The following SPIDR variants were observed in gnomAD, a reference collection of about 807,000 sequenced individuals.
The protein encoded by SPIDR is scaffold protein involved in DNA repair.
Under a neutral mutation model 104.6 loss-of-function variants are expected in SPIDR, and 93 were observed. The ratio of observed to expected loss-of-function variants is 0.89; its 90% CI spans 0.75 to 1.06. The LOEUF is 1.06. Ranked by LOEUF, SPIDR falls within the 50% of genes least tolerant of loss-of-function variation. SPIDR has a pLI of 0.00. For synonymous variants in SPIDR, 431 were observed against 416.9 expected, an observed-to-expected ratio of 1.03 and a Z score of -0.41; for missense variants, 1,154 against 1,111.2, an observed-to-expected ratio of 1.04 and a Z score of -0.55.
chr8:47,504,494 T>G (rs2081151653), intron 8 of SPIDR, among the ~76,000 whole-genome samples: 1 of 152,222 alleles, frequency 6.6e-6, no homozygotes, highest in African/African-American at 2.4e-5. Flanking sequence ...ATGAGGTCCT[T>G]TAAGGACTTC....
chr8:47,518,698 G>A (rs563694050), intron 8 of SPIDR, among the ~76,000 whole-genome samples: 11 of 151,410 alleles, frequency 7.3e-5, no homozygotes, highest in African/African-American at 2.4e-4. Flanking sequence ...ATGCAGTGGC[G>A]CAATCTCGGC....
intron 16 of SPIDR, among the ~76,000 whole-genome samples, chr8:47,721,564 C>T (rs535789072): frequency 7.2e-5 from 11 of 152,152 alleles, no homozygotes; most frequent in East Asian, 1.9e-4. Context: ...CTCCGCCTCC[C>T]GGGTTCACGC....
In SPIDR at chr8:47,578,756, G is replaced by C. The variant is rs183805891; in HGVS notation, c.1098-17055G>C. Among the ~76,000 whole-genome samples the C allele has an allele frequency of 6.6e-5, 10 of 152,278 alleles. No individual in the cohort carries two copies. The East Asian group carries it at 1.9e-3, about 29-fold the overall frequency. On this transcript the variant is annotated intron_variant, in intron 8 of 19. Coordinates refer to ENST00000297423, the MANE Select transcript of SPIDR (RefSeq NM_001080394.4). The stretch of plus-strand genomic sequence containing the variant: ...GAATAAATCATATAAAATATGGTCT[G>C]TTCCTCAGTGTTGTATTTATTCTGA...
At chr8:47,409,389 A>G (rs527252330) in intron 7 of SPIDR, among the ~76,000 whole-genome samples, 7 of 152,064 alleles carry the variant, frequency 4.6e-5, no homozygotes, top group Non-Finnish European at 8.8e-5. Flanking sequence ...AAGATTCCAC[A>G]TGTCTAGAAA....
intron 5 of SPIDR, among the ~76,000 whole-genome samples, chr8:47,390,338 T>C (rs535222844): frequency 5.3e-5 from 8 of 152,178 alleles, no homozygotes; most frequent in African/African-American, 1.7e-4. Flanking sequence ...TTTGTTTTAA[T>C]GTGAAAATTT....
At chr8:47,380,118 C>G (rs2059153606) in intron 5 of SPIDR, among the ~76,000 whole-genome samples, 2 of 152,302 alleles carry the variant, frequency 1.3e-5, no homozygotes, top group South Asian at 2.1e-4. Context: ...TTAAAACATG[C>G]CATCGTGTTT....
chr8:47,575,806 A>G (rs1208815147), intron 8 of SPIDR, among the ~76,000 whole-genome samples: 1 of 151,126 alleles, frequency 6.6e-6, no homozygotes, highest in Non-Finnish European at 1.5e-5. Context: ...CTGAAAATAC[A>G]AAAATTAGCT....
At chr8:47,698,966 A>T (rs1420821061) in intron 11 of SPIDR, among the ~76,000 whole-genome samples, 1 of 152,146 alleles carries the variant, frequency 6.6e-6, no homozygotes, top group Non-Finnish European at 1.5e-5. Flanking sequence ...CCAAATTTTT[A>T]GGGAAATTGA....
intron 5 of SPIDR, among the ~76,000 whole-genome samples, chr8:47,368,909 C>A (rs2154293831): frequency 6.6e-6 from 1 of 152,266 alleles, no homozygotes; most frequent in Middle Eastern, 3.4e-3. Context: ...CTGGAAACAG[C>A]TTCTATCAGA....
At chr8:47,647,649 A>AGAGAGAGAGAGAGG (rs2070733719) in intron 10 of SPIDR, among the ~76,000 whole-genome samples, 7 of 142,836 alleles carry the variant, frequency 4.9e-5, no homozygotes, top group African/African-American at 1.8e-4. Flanking sequence ...AGAGAGAGAG[A>AGAGAGAGAGAGAGG]GAGAGGGAGA....
intron 8 of SPIDR, among the ~76,000 whole-genome samples, chr8:47,560,086 GGT>G (rs1213150172): frequency 1.3e-5 from 2 of 152,068 alleles, no homozygotes; most frequent in African/African-American, 4.8e-5. Context: ...TATCAAAAGT[GGT>G]CATTTTGTTG....
At position 47,260,983 on chromosome 8, in the gene SPIDR, G is replaced by T; in HGVS notation, c.25G>T (p.Gly9Cys). 1.6e-6 allele frequency: 2 copies of T among 1,230,584 alleles called. No homozygotes were observed. Among genetic ancestry groups the T allele is most frequent in the Non-Finnish European group, 1.0e-6 (1 of 986,956 alleles). 76.2% of individuals were successfully genotyped at this position (1,230,584 alleles called of 1,614,324 possible). The stretch of plus-strand genomic sequence containing the variant: ...GATGCCCCGCGGCAGCCGCGCTCGG[G>T]GCTCTAAGGTAGGCTCTGGGGCGGG... MPRGSRAR[G>C]SKRKRSWNTE... Residue 9 changes from glycine to cysteine, a missense_variant, in exon 1 of 20, where the codon GGC becomes TGC. Coordinates refer to ENST00000297423, the MANE Select transcript of SPIDR (RefSeq NM_001080394.4).
intron 8 of SPIDR, among the ~76,000 whole-genome samples, chr8:47,549,698 T>A (rs553415423): frequency 6.6e-6 from 1 of 152,368 alleles, no homozygotes; most frequent in East Asian, 1.9e-4. Flanking sequence ...GCAAAAATGT[T>A]CTCCTATTCT....
At chr8:47,355,088 T>G (rs2054259171) in intron 5 of SPIDR, among the ~76,000 whole-genome samples, 1 of 152,044 alleles carries the variant, frequency 6.6e-6, no homozygotes, top group East Asian at 1.9e-4. Context: ...CTTGAGTAGC[T>G]CGGATTACAG....
At chr8:47,549,540 A>C (rs2090093103) in intron 8 of SPIDR, among the ~76,000 whole-genome samples, 1 of 152,156 alleles carries the variant, frequency 6.6e-6, no homozygotes, top group South Asian at 2.1e-4. Flanking sequence ...GCATGTTTTC[A>C]TATGTCTGTT....
intron 6 of SPIDR, among the ~76,000 whole-genome samples, chr8:47,399,244 G>T (rs1300967749): frequency 6.6e-6 from 1 of 152,170 alleles, no homozygotes; most frequent in Non-Finnish European, 1.5e-5. Flanking sequence ...CTCTGTCGTG[G>T]TGAAGGGAGG....
intron 5 of SPIDR, among the ~76,000 whole-genome samples, chr8:47,386,609 C>T (rs1217888772): frequency 1.3e-5 from 2 of 152,084 alleles, no homozygotes; most frequent in Non-Finnish European, 2.9e-5. Context: ...GAAGTGTCAT[C>T]CCTCATGTGT....
chr8:47,478,577 T>C (rs943109599), intron 8 of SPIDR, among the ~76,000 whole-genome samples: 4 of 152,228 alleles, frequency 2.6e-5, no homozygotes, highest in Non-Finnish European at 4.4e-5. Flanking sequence ...GAGCCCCTGC[T>C]GCAGAGCCAC....
intron 1 of SPIDR, among the ~76,000 whole-genome samples, chr8:47,276,532 T>G (rs915865931): frequency 1.3e-5 from 2 of 152,098 alleles, no homozygotes; most frequent in Non-Finnish European, 2.9e-5. Context: ...ACATCTATAA[T>G]GTGGACAAAT....
Sources: allele counts gnomAD v4.1 joint callset (sites outside exome capture counted in the v4.1 genomes callset), GRCh38; gene constraint gnomAD v4.1.1; transcripts MANE v1.5; gene names NCBI Gene and HGNC (gene_info 2026-07-23, HGNC 2026-07-21).